The following RABL2B variants were observed in gnomAD, a reference collection of about 807,000 sequenced individuals.
RABL2B encodes the protein RAB, member of RAS oncogene family like 2B, also known as rab-like protein 2B.
A neutral mutation model predicts 26.7 loss-of-function variants in RABL2B; 17 were observed. The observed-to-expected ratio is 0.64, with a 90% CI of 0.44 to 0.95. The LOEUF is 0.95. Among genes scored for constraint, RABL2B ranks in the 40% least tolerant of loss-of-function variants. The pLI is 0.00. For missense variants in RABL2B, 170 were observed against 277.2 expected (o/e 0.61, Z 2.75); for synonymous variants, 70 against 103.9 (o/e 0.67, Z 1.99).
chr22:50,772,603 A>G (rs9616968), intron 5 of RABL2B: 65,896 of 1,006,878 alleles, frequency 0.065, 2,318 homozygotes, highest in Non-Finnish European at 0.071. Flanking sequence ...GCTCAGGGCT[A>G]GGGGCTCGCC....
chr22:50,770,236 C>T (rs2083939886), intron 5 of RABL2B: 6 of 554,978 alleles, frequency 1.1e-5, no homozygotes, highest in South Asian at 3.9e-5. Flanking sequence ...TTATTCTTGG[C>T]CCAGTGCAGT....
chr22:50,772,603 AG>A (rs2084351364), intron 5 of RABL2B: 1 of 1,006,764 alleles, frequency 9.9e-7, no homozygotes, highest in African/African-American at 1.7e-5. Context: ...GCTCAGGGCT[AG>A]GGGCTCGCCC....
chr22:50,777,622 A>G, intron 3 of RABL2B: 1 of 428,816 alleles, frequency 2.3e-6, no homozygotes, highest in Non-Finnish European at 4.3e-6. Context: ...TAGAGAGGTT[A>G]AATGACTTGG....
intron 5 of RABL2B, among the ~76,000 whole-genome samples, chr22:50,775,547 C>A (rs1261857443): frequency 6.6e-6 from 1 of 152,154 alleles, no homozygotes; most frequent in Non-Finnish European, 1.5e-5. Flanking sequence ...CCTGAGCTTG[C>A]TGTTCCACCT....
chr22:50,783,334 T>G (rs2086188372), intron 1 of RABL2B, 167 bp downstream of exon 1: 1 of 153,808 alleles, frequency 6.5e-6, no homozygotes. Flanking sequence ...CCACCAACCA[T>G]GTCCAGGCAT....
At chr22:50,780,397 C>CTTTTTT (rs149044797) in intron 2 of RABL2B, among the ~76,000 whole-genome samples, 1 of 122,246 alleles carries the variant, frequency 8.2e-6, no homozygotes, top group Non-Finnish European at 1.7e-5. Flanking sequence ...CAAGTGTTAA[C>CTTTTTT]TTTTTTTTTT....
chr22:50,773,187 C>G lies in RABL2B; in HGVS notation c.297+2585G>C, dbSNP rs550205409. The G allele has an allele frequency of 1.3e-5, 16 of 1,251,616 alleles. No homozygotes were observed. In the African/African-American group the frequency reaches 2.5e-4, roughly 19 times the overall value. 77.5% of individuals were successfully genotyped at this position (1,251,616 alleles called of 1,614,324 possible). ...TGAAACCAAACTGGCTAGGACCAAG[C>G]TCCTCTGCTCTTGAGGGTCAGACTT... On this transcript the variant is annotated intron_variant, in intron 5 of 8. Transcript: ENST00000691320.
chr22:50,781,234 C>T (rs2085793117), intron 2 of RABL2B, among the ~76,000 whole-genome samples: 1 of 151,696 alleles, frequency 6.6e-6, no homozygotes, highest in South Asian at 2.1e-4. Flanking sequence ...GTCCTAGCTA[C>T]TCGCAAGGCT....
Position 50,772,262 on chromosome 22 carries a change from C to T in RABL2B, c.298-2246G>A, listed in dbSNP as rs1215861174. On this transcript the variant is annotated intron_variant, in intron 5 of 8. Transcript: ENST00000691320. ...CAGGCTGGTCTCGAACTCCTGACCT[C>T]AGGTGATCTGCCCGCCTAGGCCTCC... 5.4e-6 allele frequency: 5 copies of T among 929,494 alleles called. No homozygotes were observed. The African/African-American group carries it at 8.9e-5, about 17-fold the overall frequency. The allele number at this position is 929,494 out of a possible 1,614,324, so 57.6% of individuals were successfully genotyped here.
intron 5 of RABL2B, chr22:50,770,340 A>T (rs1197423089): frequency 6.1e-6 from 2 of 329,698 alleles, no homozygotes; most frequent in Non-Finnish European, 1.2e-5. Flanking sequence ...ACATGGTGAA[A>T]TTCCGTCTCT....
chr22:50,771,647 C>G (rs1555918805), intron 5 of RABL2B: 1 of 151,504 alleles, frequency 6.6e-6, no homozygotes, highest in East Asian at 1.9e-4. Flanking sequence ...GGGTCTTACT[C>G]TGTCAGCCAG....
At chr22:50,775,034 C>T (rs1555922270) in intron 5 of RABL2B, among the ~76,000 whole-genome samples, 1 of 152,204 alleles carries the variant, frequency 6.6e-6, no homozygotes, top group African/African-American at 2.4e-5. Flanking sequence ...CCATCTTGGC[C>T]TCCCAAAGTG....
At chr22:50,773,629 CAG>C (rs1429963605) in intron 5 of RABL2B, among the ~76,000 whole-genome samples, 1 of 151,344 alleles carries the variant, frequency 6.6e-6, no homozygotes, top group African/African-American at 2.5e-5. Flanking sequence ...GAAAAATGAG[CAG>C]AGTTTCAAAT....
chr22:50,768,329 C>A lies in RABL2B; in HGVS notation c.*447G>T, dbSNP rs538140609. 8.4e-6 allele frequency: 2 copies of A among 238,090 alleles called. No individual in the cohort carries two copies. The highest frequency in any genetic ancestry group is 9.5e-5 in the South Asian group (2 of 21,050). 14.7% of individuals were successfully genotyped at this position (238,090 alleles called of 1,614,324 possible). A position where few individuals can be genotyped will look rare whatever the true frequency, so the allele number is the denominator to read the frequency against. ...AACGTAGGGAAAGGATGGGGCCTCA[C>A]AGACTCAGCTGTGGGTGGGGGGGTA... On this transcript the variant is annotated 3_prime_UTR_variant, in exon 9 of 9. Coordinates refer to ENST00000691320, the MANE Select transcript of RABL2B (RefSeq NM_001130919.3).
At chr22:50,770,324 T>C (rs1161625785) in intron 5 of RABL2B, 1 of 349,412 alleles carries the variant, frequency 2.9e-6, no homozygotes, top group South Asian at 2.5e-5. Flanking sequence ...GAGACCAGCC[T>C]GGCCAACATG....
At chr22:50,772,175 C>T (rs775328931) in intron 5 of RABL2B, 5 of 222,828 alleles carry the variant, frequency 2.2e-5, no homozygotes, top group Admixed American at 6.5e-5. Context: ...ATTACAGGTG[C>T]GCACCACCAC....
intron 2 of RABL2B, among the ~76,000 whole-genome samples, chr22:50,780,397 CT>C (rs149044797): frequency 0.037 from 4,517 of 122,218 alleles, 155 homozygotes; most frequent in African/African-American, 0.12. Context: ...CAAGTGTTAA[CT>C]TTTTTTTTTT....
At chr22:50,774,471 G>A (rs1421858487) in intron 5 of RABL2B, among the ~76,000 whole-genome samples, 5 of 149,980 alleles carry the variant, frequency 3.3e-5, no homozygotes, top group Non-Finnish European at 7.4e-5. Flanking sequence ...AGAAACACGG[G>A]GAGTAGAACC....
intron 2 of RABL2B, among the ~76,000 whole-genome samples, chr22:50,781,405 A>AGAGAGAGAGAGG: frequency 6.8e-6 from 1 of 146,004 alleles, no homozygotes; most frequent in Admixed American, 6.7e-5. Context: ...TGGGGAAGAG[A>AGAGAGAGAGAGG]GAGAGAGAGA....
Sources: allele counts gnomAD v4.1 joint callset (sites outside exome capture counted in the v4.1 genomes callset), GRCh38; gene constraint gnomAD v4.1.1; transcripts MANE v1.5; gene names NCBI Gene and HGNC (gene_info 2026-07-23, HGNC 2026-07-21).